Variants in NLRP5 observed in about 807,000 individuals in gnomAD.
NLRP5 encodes the protein NACHT, LRR and PYD domains-containing protein 5.
In NLRP5, 93 loss-of-function variants were observed where a neutral mutation model predicts 113.1. The ratio of observed to expected loss-of-function variants is 0.82; its 90% CI spans 0.70 to 0.98. The LOEUF is 0.98. Ranked by LOEUF, NLRP5 falls within the 50% of genes least tolerant of loss-of-function variation. The pLI is 0.00. For missense variants in NLRP5, 1,808 were observed against 1,514.3 expected (o/e 1.19, Z -3.22); for synonymous variants, 751 against 600.7 (o/e 1.25, Z -3.66).
chr19:56,030,220 A>C (rs1388860159), intron 7 of NLRP5, among the ~76,000 whole-genome samples: 1 of 151,704 alleles, frequency 6.6e-6, no homozygotes, highest in Admixed American at 6.6e-5. Context: ...AAATACAAAA[A>C]TTAGTGGGGC....
chr19:56,037,714 A>AAAAAAAAG lies in NLRP5; in HGVS notation c.2616-311_2616-310insAAAAAAAG, dbSNP rs200215825. 2.0e-3 allele frequency among the ~76,000 whole-genome samples: 266 copies of AAAAAAAAG among 131,628 alleles called. 3 individuals carry two copies. Among genetic ancestry groups the AAAAAAAAG allele is most frequent in the Non-Finnish European group, 2.3e-3 (145 of 62,920 alleles). The allele number at this position is 131,628 out of a possible 152,430, so 86.4% of individuals were successfully genotyped here. A position where few individuals can be genotyped will look rare whatever the true frequency, so the allele number is the denominator to read the frequency against. On this transcript the variant is annotated intron_variant, in intron 9 of 14. Transcript: ENST00000390649. ...GTCTCAAAAAAAAAAAAAAAAAAAA[A>AAAAAAAAG]TGTTGGCTGGGGTGGGTTGCTATGA...
At chr19:56,004,309 G>A (rs1357945103) in intron 2 of NLRP5, among the ~76,000 whole-genome samples, 2 of 152,092 alleles carry the variant, frequency 1.3e-5, no homozygotes, top group African/African-American at 2.4e-5. Flanking sequence ...GGTAGACAAC[G>A]GCTCCACCCA....
At chr19:56,002,925 A>G (rs1288263830) in intron 1 of NLRP5, among the ~76,000 whole-genome samples, 6 of 152,254 alleles carry the variant, frequency 3.9e-5, no homozygotes, top group African/African-American at 9.6e-5. Context: ...GCTATAAACT[A>G]GAATGGCGAT....
At chr19:56,028,531 AT>A in intron 7 of NLRP5, 22 bp downstream of exon 7, 1 of 1,601,000 alleles carries the variant, frequency 6.2e-7, no homozygotes, top group Admixed American at 1.7e-5. Context: ...AGGCAGTTTT[AT>A]CCTATGCCGT....
upstream of NLRP5, among the ~76,000 whole-genome samples, chr19:55,995,123 A>G (rs1406749554): frequency 6.6e-6 from 1 of 152,096 alleles, no homozygotes; most frequent in Non-Finnish European, 1.5e-5. Flanking sequence ...AAAACCAAAC[A>G]CCACATGTTC....
Position 56,027,540 on chromosome 19 carries a change from A to T in NLRP5, c.1307A>T (p.Gln436Leu). The T allele has an allele frequency of 6.2e-7, 1 of 1,614,038 alleles. No homozygotes were observed. Among genetic ancestry groups the T allele is most frequent in the Non-Finnish European group, 8.5e-7 (1 of 1,179,898 alleles). ...TTAGTTAGAGGAATCTCCGGGGAACAAAGAATCCACTTGCTCCTTGAGCGC... is the reference window on the plus strand; with the variant it reads ...TTAGTTAGAGGAATCTCCGGGGAACTAAGAATCCACTTGCTCCTTGAGCGC... The change falls in exon 7 of 15, where the codon CAA (glutamine) becomes CTA (leucine). Residue 436 changes from glutamine (Q) to leucine (L), a missense_variant. Coordinates refer to ENST00000390649, the MANE Select transcript of NLRP5 (RefSeq NM_153447.4).
At position 56,038,011 on chromosome 19, in the gene NLRP5, G is replaced by T. The variant is rs367680494; in HGVS notation, c.2616-14G>T. The T allele has an allele frequency of 2.4e-5, 38 of 1,613,530 alleles. No individual in the cohort carries two copies. The African/African-American group carries it at 4.5e-4, about 19-fold the overall frequency. ...ACAAGAGCTGGGATTGCTTCATGCT[G>T]CCTGTCTCTGCAGGCTGGATTGCTG... On this transcript the variant is annotated splice_polypyrimidine_tract_variant and intron_variant, in intron 9 of 14. Coordinates refer to ENST00000390649, the MANE Select transcript of NLRP5 (RefSeq NM_153447.4).
At chr19:56,020,874 ATTT>A (rs36047346) in intron 6 of NLRP5, among the ~76,000 whole-genome samples, 24 of 137,506 alleles carry the variant, frequency 1.7e-4, no homozygotes, top group Non-Finnish European at 2.0e-4. Flanking sequence ...CCTTCGTGGC[ATTT>A]TTTTTTTTTT....
At chr19:56,023,972 A>G (rs1008256592) in intron 6 of NLRP5, among the ~76,000 whole-genome samples, 14 of 152,146 alleles carry the variant, frequency 9.2e-5, no homozygotes, top group African/African-American at 3.4e-4. Flanking sequence ...TTTCACGTTC[A>G]TTGAGTACCT....
In NLRP5 at chr19:56,050,407, G is replaced by A. The variant is rs1568501970; in HGVS notation, c.2958-11G>A. 2 of 1,612,200 alleles carry A rather than the reference G, an allele frequency of 1.2e-6. No individual in the cohort carries two copies. The highest frequency in any genetic ancestry group is 1.7e-6 in the Non-Finnish European group (2 of 1,179,308). On this transcript the variant is annotated splice_polypyrimidine_tract_variant and intron_variant, in intron 11 of 14. Coordinates refer to ENST00000390649, the MANE Select transcript of NLRP5 (RefSeq NM_153447.4). Reference sequence around the variant, plus strand: ...CATCACGATCTTCTTTCCCATGTGTGTGCCCCACAGGCTGAATCAGTGCCA... The same window carrying A: ...CATCACGATCTTCTTTCCCATGTGTATGCCCCACAGGCTGAATCAGTGCCA...
At chr19:56,009,807 T>TC (rs1299092738) in intron 3 of NLRP5, among the ~76,000 whole-genome samples, 1 of 152,158 alleles carries the variant, frequency 6.6e-6, no homozygotes, top group Admixed American at 6.6e-5. Context: ...GAAGCCAACC[T>TC]CGTTTTGATG....
At chr19:55,998,676 A>ATG (rs1568478141), upstream of NLRP5, among the ~76,000 whole-genome samples, 1 of 66,218 alleles carries the variant, frequency 1.5e-5, no homozygotes, top group Non-Finnish European at 2.7e-5. Context: ...GTGTGTGTAT[A>ATG]TATATATATA....
intron 3 of NLRP5, among the ~76,000 whole-genome samples, chr19:56,015,465 G>A (rs765337857): frequency 1.5e-4 from 23 of 152,208 alleles, no homozygotes; most frequent in Non-Finnish European, 2.9e-4. Flanking sequence ...CAAAGTGCTG[G>A]TATTAGAGGA....
At chr19:56,029,568 A>C (rs1007744539) in intron 7 of NLRP5, among the ~76,000 whole-genome samples, 3 of 152,046 alleles carry the variant, frequency 2.0e-5, no homozygotes, top group African/African-American at 7.2e-5. Flanking sequence ...GCCCGGCCTC[A>C]TTTGTATTTA....
intron 10 of NLRP5, among the ~76,000 whole-genome samples, chr19:56,040,653 G>A (rs957967993): frequency 6.6e-6 from 1 of 152,202 alleles, no homozygotes; most frequent in Non-Finnish European, 1.5e-5. Flanking sequence ...TGTGGGGACT[G>A]GAAATGGCTG....
chr19:56,035,363 A>G (rs911762768), intron 9 of NLRP5, among the ~76,000 whole-genome samples: 1 of 152,242 alleles, frequency 6.6e-6, no homozygotes, highest in African/African-American at 2.4e-5. Flanking sequence ...GATGTAACCC[A>G]GGGAAATTAG....
the NLRP5 span, chr19:55,988,737 A>G: frequency 6.6e-6 from 1 of 151,812 alleles, no homozygotes; most frequent in Non-Finnish European, 1.5e-5. Flanking sequence ...GCGGTAAGGG[A>G]AATGTTTAAT....
In NLRP5 at chr19:56,007,513, A is replaced by G. The variant is rs143865078; in HGVS notation, c.443-1275A>G. On this transcript the variant is annotated intron_variant, in intron 2 of 14. Coordinates refer to ENST00000390649, the MANE Select transcript of NLRP5 (RefSeq NM_153447.4). ...CATGGTAGAGAAAAACATTCTGAGC[A>G]TAAAGTCAGGGCATCCCAAAGCCTT... is the stretch of plus-strand genomic sequence containing the variant. 9.9e-3 allele frequency among the ~76,000 whole-genome samples: 1,502 copies of G among 151,272 alleles called. 89 individuals carry two copies. The highest frequency in any genetic ancestry group is 0.035 in the African/African-American group (1,421 of 40,602).
upstream of NLRP5, chr19:55,999,606 C>A: frequency 1.3e-6 from 1 of 775,056 alleles, no homozygotes; most frequent in Non-Finnish European, 2.3e-6. Flanking sequence ...TTCCGACCGG[C>A]TCACTTGTTG....
Sources: gnomAD v4.1 joint callset for allele counts (sites outside exome capture counted in the v4.1 genomes callset) on GRCh38, gnomAD v4.1.1 for gene constraint, MANE v1.5 for transcripts, NCBI Gene and HGNC (gene_info 2026-07-23, HGNC 2026-07-21) for gene names.